UTRN: variants seen among roughly 807,000 people sequenced by gnomAD.
UTRN encodes utrophin.
In UTRN, 283 loss-of-function variants were observed where a neutral mutation model predicts 463.9. The observed-to-expected ratio is 0.61, with a 90% CI of 0.55 to 0.67. UTRN has a LOEUF of 0.67. Among genes scored for constraint, UTRN ranks in the 30% least tolerant of loss-of-function variants. The pLI is 0.00. For synonymous variants in UTRN, 1,442 were observed against 1,431.5 expected (o/e 1.01, Z -0.17); for missense variants, 3,922 against 4,084.3 (o/e 0.96, Z 1.08).
chr6:144,491,289 G>C (rs1793052649), intron 32 of UTRN, among the ~76,000 whole-genome samples, 187 bp downstream of exon 32: 1 of 152,186 alleles, frequency 6.6e-6, no homozygotes, highest in Non-Finnish European at 1.5e-5. Context: ...AATTAGAAGA[G>C]ATAAGAGAGA....
intron 3 of UTRN, among the ~76,000 whole-genome samples, chr6:144,418,928 A>G (rs1784594567): frequency 6.6e-6 from 1 of 152,118 alleles, no homozygotes; most frequent in Middle Eastern, 3.2e-3. Context: ...CAGGTGTTAT[A>G]TTAGCTGCCC....
In UTRN at chr6:144,803,687, G is replaced by C. The variant is rs577011592; in HGVS notation, c.9357+540G>C. ...TTAGTCACAAAATTTTTAATTGAGT[G>C]AATTACTACAGTTTACCTAACCATT... On this transcript the variant is annotated intron_variant, in intron 65 of 74. Transcript: ENST00000367545. Among the ~76,000 whole-genome samples, 7 of 151,858 alleles carry C rather than the reference G, an allele frequency of 4.6e-5. No individual in the cohort carries two copies. The South Asian group carries it at 1.0e-3, about 23-fold the overall frequency.
At chr6:144,379,269 A>G in intron 2 of UTRN, among the ~76,000 whole-genome samples, 1 of 152,198 alleles carries the variant, frequency 6.6e-6, no homozygotes, top group East Asian at 1.9e-4. Context: ...TTATTATCTC[A>G]TGCAGTTTCC....
intron 71 of UTRN, among the ~76,000 whole-genome samples, chr6:144,838,456 A>G (rs1342447956): frequency 6.6e-6 from 1 of 152,134 alleles, no homozygotes; most frequent in African/African-American, 2.4e-5. Flanking sequence ...TGCATGAAAA[A>G]CTTGTAACAT....
chr6:144,475,267 A>T (rs73780590), intron 25 of UTRN, among the ~76,000 whole-genome samples: 3,331 of 152,258 alleles, frequency 0.022, 142 homozygotes, highest in African/African-American at 0.076. Context: ...TGAGATGGGG[A>T]TGTTTGAATA....
intron 50 of UTRN, 141 bp downstream of exon 50, chr6:144,557,452 GAGTT>G (rs1799489361): frequency 2.4e-6 from 2 of 846,110 alleles, no homozygotes; most frequent in South Asian, 4.5e-5. Context: ...GTGATGTTCT[GAGTT>G]AGTATTATCA....
At chr6:144,331,456 T>C (rs1776327763) in intron 2 of UTRN, among the ~76,000 whole-genome samples, 1 of 152,182 alleles carries the variant, frequency 6.6e-6, no homozygotes, top group African/African-American at 2.4e-5. Flanking sequence ...GAAAAGTGTC[T>C]GTTGTATGAA....
At chr6:144,467,750 A>G (rs1790105399) in intron 23 of UTRN, among the ~76,000 whole-genome samples, 3 of 152,150 alleles carry the variant, frequency 2.0e-5, no homozygotes, top group Admixed American at 1.3e-4. Context: ...GGTAACATAT[A>G]ATTGATATAA....
rs1368193549 is a variant in UTRN at position 144,548,806 on chromosome 6, C to T, written c.6762C>T (p.Val2254=). The T allele has an allele frequency of 7.4e-6, 12 of 1,614,008 alleles. No homozygotes were observed. In the South Asian group the frequency reaches 1.2e-4, roughly 16 times the overall value. The change falls in exon 47 of 75, where the codon GTC becomes GTT. Residue 2254 remains valine (V), a synonymous_variant. Transcript: ENST00000367545. ...ACCAGATGCTGAAGTCCAACATTGT[C>T]ACTGTTGGGGATGTAGAAGAGATCA... ...LIDQMLKSNI[V]TVGDVEEINK...
At chr6:144,421,688 A>T (rs866297196) in intron 3 of UTRN, among the ~76,000 whole-genome samples, 190 bp from the exon 4 acceptor site, 14 of 148,758 alleles carry the variant, frequency 9.4e-5, no homozygotes, top group Admixed American at 2.7e-4. Context: ...GACTCTGTCT[A>T]AAAAAAAAAT....
At chr6:144,565,630 G>A (rs944392058) in intron 50 of UTRN, among the ~76,000 whole-genome samples, 1 of 152,152 alleles carries the variant, frequency 6.6e-6, no homozygotes. Flanking sequence ...TAGAGGAAAT[G>A]GAGAGAGGAG....
chr6:144,461,819 G>T (rs1276853105), intron 22 of UTRN, among the ~76,000 whole-genome samples: 1 of 152,124 alleles, frequency 6.6e-6, no homozygotes, highest in Non-Finnish European at 1.5e-5. Flanking sequence ...ACACTGTATT[G>T]CCCACACACA....
At chr6:144,554,959 C>T in intron 49 of UTRN, 66 bp downstream of exon 49, 1 of 1,529,688 alleles carries the variant, frequency 6.5e-7, no homozygotes, top group South Asian at 1.2e-5. Context: ...CTATTGTTCA[C>T]TGTAATTCTT....
intron 9 of UTRN, among the ~76,000 whole-genome samples, chr6:144,433,966 C>G (rs1302297089): frequency 2.0e-5 from 3 of 152,212 alleles, no homozygotes; most frequent in African/African-American, 7.2e-5. Context: ...GCTGCAGTCT[C>G]GGCACTTTGG....
rs1035704211 is a variant in UTRN at position 144,573,473 on chromosome 6, C to G, written c.7290-3626C>G. Among the ~76,000 whole-genome samples the G allele has an allele frequency of 3.9e-5, 6 of 151,986 alleles. No homozygotes were observed. In the East Asian group the frequency reaches 1.2e-3, roughly 29 times the overall value. ...CTTTGGGAGGCCGAGGCGGGCCGAT[C>G]ACCTGAGGTCAAGAGTTTGAGACCA... is the stretch of plus-strand genomic sequence containing the variant. On this transcript the variant is annotated intron_variant, in intron 50 of 74. Coordinates refer to ENST00000367545, the MANE Select transcript of UTRN (RefSeq NM_007124.3).
chr6:144,817,391 CT>C (rs1358910136), intron 65 of UTRN, among the ~76,000 whole-genome samples: 1 of 151,888 alleles, frequency 6.6e-6, no homozygotes, highest in African/African-American at 2.4e-5. Flanking sequence ...TCAATTTTAT[CT>C]TTCTATCATA....
intron 23 of UTRN, among the ~76,000 whole-genome samples, chr6:144,468,457 T>C (rs1790167947): frequency 6.6e-6 from 1 of 152,170 alleles, no homozygotes; most frequent in Non-Finnish European, 1.5e-5. Flanking sequence ...TAAAAATAGG[T>C]ATGAGAAATG....
intron 2 of UTRN, among the ~76,000 whole-genome samples, chr6:144,344,902 C>T (rs953498534): frequency 4.6e-5 from 7 of 152,154 alleles, no homozygotes; most frequent in South Asian, 2.1e-4. Flanking sequence ...ACTTTTCTCT[C>T]GCTGAAGTTT....
Position 144,514,655 on chromosome 6 carries a change from A to G in UTRN, c.5079A>G (p.Leu1693=). 1 of 1,611,158 alleles carries G rather than the reference A, an allele frequency of 6.2e-7. No homozygotes were observed. The highest frequency in any genetic ancestry group is 8.5e-7 in the Non-Finnish European group (1 of 1,179,308). ...TTGTGTTTTCTTATAATTAGCGTTT[A>G]GTATCTGAGCTGGATGATGCCAACC... ...TSKQEEIVKR[L]VSELDDANLQ... is the part of the protein sequence containing the mutation. The change falls in exon 37 of 75, where the codon TTA becomes TTG. Residue 1693 remains leucine, a synonymous_variant. Coordinates refer to ENST00000367545, the MANE Select transcript of UTRN (RefSeq NM_007124.3).
Sources: gnomAD v4.1 joint callset for allele counts (sites outside exome capture counted in the v4.1 genomes callset) on GRCh38, gnomAD v4.1.1 for gene constraint, MANE v1.5 for transcripts, NCBI Gene and HGNC (gene_info 2026-07-23, HGNC 2026-07-21) for gene names.